Variants in KHDRBS2 observed in about 807,000 individuals in gnomAD.
KHDRBS2 encodes the protein KH RNA binding domain containing, signal transduction associated 2.
KHDRBS2 carries 26 observed loss-of-function variants against 44.3 expected under a neutral mutation model. The ratio of observed to expected loss-of-function variants is 0.59; its 90% CI spans 0.43 to 0.81. The LOEUF (loss-of-function observed/expected upper bound fraction) is 0.81, where lower values mean the gene tolerates loss of function less well. KHDRBS2 is among the 40% of genes least tolerant of loss of function. The pLI is 0.00. For synonymous variants in KHDRBS2, 194 were observed against 151.1 expected, an observed-to-expected ratio of 1.28 and a Z score of -2.08; for missense variants, 476 against 433.1, an observed-to-expected ratio of 1.10 and a Z score of -0.88.
chr6:62,199,996 AT>A (rs1473886172), intron 1 of KHDRBS2, among the ~76,000 whole-genome samples: 1 of 152,212 alleles, frequency 6.6e-6, no homozygotes, highest in African/African-American at 2.4e-5. Context: ...AGGATTCCCT[AT>A]TTAATAAATG....
chr6:62,091,178 G>A (rs1479648842), intron 2 of KHDRBS2, among the ~76,000 whole-genome samples: 1 of 152,132 alleles, frequency 6.6e-6, no homozygotes, highest in Non-Finnish European at 1.5e-5. Flanking sequence ...CCACTGGACA[G>A]TACTCTTAAA....
At chr6:61,662,030 G>A in the KHDRBS2 span, among the ~76,000 whole-genome samples, 1 of 152,034 alleles carries the variant, frequency 6.6e-6, no homozygotes, top group African/African-American at 2.4e-5. Flanking sequence ...AAACAGCATG[G>A]TACTGGTACC....
intron 2 of KHDRBS2, among the ~76,000 whole-genome samples, chr6:62,065,519 A>C (rs916977568): frequency 6.6e-6 from 1 of 151,160 alleles, no homozygotes; most frequent in Non-Finnish European, 1.5e-5. Context: ...CATTCTCAGT[A>C]AACTATCGCA....
chr6:61,666,060 G>A, the KHDRBS2 span, among the ~76,000 whole-genome samples: 1 of 151,306 alleles, frequency 6.6e-6, no homozygotes, highest in South Asian at 2.1e-4. Context: ...TGTTATTTCT[G>A]TTACTTGATA....
intron 4 of KHDRBS2, among the ~76,000 whole-genome samples, chr6:61,933,984 T>A (rs897458594): frequency 4.6e-5 from 7 of 152,144 alleles, no homozygotes; most frequent in Non-Finnish European, 8.8e-5. Context: ...AATTTTTTGA[T>A]AATGGACACA....
At chr6:62,035,772 C>T (rs945077429) in intron 3 of KHDRBS2, among the ~76,000 whole-genome samples, 2 of 151,914 alleles carry the variant, frequency 1.3e-5, no homozygotes, top group African/African-American at 4.8e-5. Flanking sequence ...AATATATACA[C>T]CTATGTGCCC....
rs1199158410 is a variant in KHDRBS2 at position 61,765,941 on chromosome 6, C to CT, written c.811-33178dup. 4.0e-5 allele frequency among the ~76,000 whole-genome samples: 5 copies of CT among 125,526 alleles called. No homozygotes were observed. The East Asian group carries it at 1.1e-3, about 28-fold the overall frequency. The allele number at this position is 125,526 out of a possible 152,430, so 82.3% of individuals were successfully genotyped here. On this transcript the variant is annotated intron_variant, in intron 6 of 8. Coordinates refer to ENST00000281156, the MANE Select transcript of KHDRBS2 (RefSeq NM_152688.4). The stretch of plus-strand genomic sequence containing the variant: ...ATCAGGTTTATTGGCCTGTAGTTTT[C>CT]TTTTTTTAGATATTCCTTTGTCTAG...
rs545398890 is a variant in KHDRBS2 at position 61,990,552 on chromosome 6, G to GA, written c.337-12341dup. Among the ~76,000 whole-genome samples the GA allele has an allele frequency of 1.5e-3, 227 of 152,018 alleles. 5 individuals carry two copies. In the South Asian group the frequency reaches 0.044, roughly 29 times the overall value. On this transcript the variant is annotated intron_variant, in intron 3 of 8. Transcript: ENST00000281156. ...AAGCTTCTAGAAGTAGAACTACAAA[G>GA]AAAAAAATCAACTGGCATTGAACTT...
intron 2 of KHDRBS2, among the ~76,000 whole-genome samples, chr6:62,166,840 A>G (rs1303985749): frequency 6.6e-6 from 1 of 152,100 alleles, no homozygotes; most frequent in Non-Finnish European, 1.5e-5. Context: ...ACAACAAAAG[A>G]AATAGCAGAA....
At chr6:61,851,295 G>A (rs1039698637) in intron 6 of KHDRBS2, among the ~76,000 whole-genome samples, 5 of 151,720 alleles carry the variant, frequency 3.3e-5, no homozygotes, top group East Asian at 1.9e-4. Flanking sequence ...GTGTGTGTGT[G>A]TATATATATG....
intron 2 of KHDRBS2, among the ~76,000 whole-genome samples, chr6:62,105,665 T>C (rs1803045724): frequency 6.6e-6 from 1 of 152,336 alleles, no homozygotes; most frequent in South Asian, 2.1e-4. Context: ...GATTCTTCTC[T>C]CTTTTCTTTT....
intron 6 of KHDRBS2, among the ~76,000 whole-genome samples, chr6:61,886,617 A>C (rs1334943450): frequency 1.3e-5 from 2 of 152,116 alleles, no homozygotes; most frequent in Non-Finnish European, 2.9e-5. Context: ...CCCAAATATC[A>C]TAAGTAGGTT....
At chr6:62,104,120 C>T (rs1802563518) in intron 2 of KHDRBS2, among the ~76,000 whole-genome samples, 1 of 152,078 alleles carries the variant, frequency 6.6e-6, no homozygotes, top group African/African-American at 2.4e-5. Context: ...TAAACAAAAG[C>T]ACTAACAATT....
At chr6:61,879,106 C>A (rs1799862304) in intron 6 of KHDRBS2, among the ~76,000 whole-genome samples, 1 of 151,884 alleles carries the variant, frequency 6.6e-6, no homozygotes, top group African/African-American at 2.4e-5. Flanking sequence ...GCCCTTCTGC[C>A]AAATTCCTAT....
chr6:61,889,255 C>A (rs2127325584), intron 6 of KHDRBS2, among the ~76,000 whole-genome samples: 1 of 152,182 alleles, frequency 6.6e-6, no homozygotes, highest in Middle Eastern at 3.4e-3. Flanking sequence ...TAGAAGAGAT[C>A]CAAACCTCAA....
At chr6:61,823,371 T>C (rs579281) in intron 6 of KHDRBS2, among the ~76,000 whole-genome samples, 88,052 of 151,862 alleles carry the variant, frequency 0.58, 25,671 homozygotes, top group South Asian at 0.68. Context: ...AAAGCATGTG[T>C]ATTCAGTCTT....
chr6:61,614,886 A>G, the KHDRBS2 span, among the ~76,000 whole-genome samples: 1 of 152,204 alleles, frequency 6.6e-6, no homozygotes, highest in East Asian at 1.9e-4. Flanking sequence ...TTGATCTTCA[A>G]ATAGGAATAA....
At chr6:62,043,900 A>G (rs1019117747) in intron 3 of KHDRBS2, among the ~76,000 whole-genome samples, 2 of 152,056 alleles carry the variant, frequency 1.3e-5, no homozygotes, top group Non-Finnish European at 2.9e-5. Flanking sequence ...TTGTCATTCT[A>G]TCTACCTACT....
intron 2 of KHDRBS2, among the ~76,000 whole-genome samples, chr6:62,118,185 T>C (rs1216934670): frequency 1.3e-5 from 2 of 152,232 alleles, no homozygotes; most frequent in Non-Finnish European, 2.9e-5. Context: ...ATGGTGTCTT[T>C]GTCAAAATGA....
Sources: gnomAD v4.1 joint callset for allele counts (sites outside exome capture counted in the v4.1 genomes callset) on GRCh38, gnomAD v4.1.1 for gene constraint, MANE v1.5 for transcripts, NCBI Gene and HGNC (gene_info 2026-07-23, HGNC 2026-07-21) for gene names.